The following CAPN13 variants were observed in gnomAD, a reference collection of about 807,000 sequenced individuals.
CAPN13 encodes the protein calpain 13.
Under a neutral mutation model 98.4 loss-of-function variants are expected in CAPN13, and 90 were observed. The observed-to-expected ratio is 0.92, with a 90% confidence interval of 0.77 to 1.09. The LOEUF (loss-of-function observed/expected upper bound fraction) is 1.09. CAPN13 is among the 50% of genes least tolerant of loss of function. The pLI is 0.00. For synonymous variants in CAPN13, 330 were observed against 305.5 expected (o/e 1.08, Z -0.84); for missense variants, 887 against 841.3 (o/e 1.05, Z -0.67).
intron 1 of CAPN13, among the ~76,000 whole-genome samples, chr2:30,800,149 A>AAAGAAAGAAAGT (rs1675163935): frequency 5.4e-5 from 8 of 148,908 alleles, no homozygotes; most frequent in African/African-American, 2.0e-4. Context: ...AGAAAGAAAG[A>AAAGAAAGAAAGT]AAGAAAGAAA....
intron 2 of CAPN13, 24 bp from the exon 3 acceptor site, chr2:30,777,663 T>G: frequency 6.5e-7 from 1 of 1,526,882 alleles, no homozygotes; most frequent in Non-Finnish European, 8.9e-7. Flanking sequence ...GGAGAAAAGC[T>G]ATGAACATCG....
chr2:30,804,082 T>C (rs1675459857), intron 1 of CAPN13, among the ~76,000 whole-genome samples: 1 of 152,176 alleles, frequency 6.6e-6, no homozygotes. Context: ...GCCCTGAGAA[T>C]TCAGGAATCA....
chr2:30,742,034 G>A (rs531887694), intron 14 of CAPN13, 70 bp from the exon 15 acceptor site: 2 of 1,386,908 alleles, frequency 1.4e-6, no homozygotes, highest in East Asian at 2.3e-5. Context: ...TACAGCAAGG[G>A]TGCAACAACC....
At chr2:30,806,188 A>G (rs1224923880) in intron 1 of CAPN13, 1 of 152,234 alleles carries the variant, frequency 6.6e-6, no homozygotes, top group Non-Finnish European at 1.5e-5. Flanking sequence ...TACCAGGCAC[A>G]GCAGAACTCC....
rs112337490 is a variant in CAPN13 at position 30,756,344 on chromosome 2, C to A, written c.866+1702G>T. 3.9e-5 allele frequency among the ~76,000 whole-genome samples: 6 copies of A among 152,234 alleles called. 1 individual carries two copies. The highest frequency in any genetic ancestry group is 1.4e-4 in the African/African-American group (6 of 41,524). On this transcript the variant is annotated intron_variant, in intron 8 of 22. Transcript: ENST00000295055. ...ATGCGTCCCCCTCCTATCTAGTGAT[C>A]TCTTCTGAAGTGAGTCATACTTCCT...
At chr2:30,775,845 G>A (rs922766257) in intron 4 of CAPN13, 85 bp downstream of exon 4, 37 of 865,536 alleles carry the variant, frequency 4.3e-5, no homozygotes, top group Middle Eastern at 2.4e-4. Flanking sequence ...CAGGCTTCCC[G>A]GCCACGAGAA....
At chr2:30,770,241 G>A (rs1673329581) in intron 5 of CAPN13, 72 bp downstream of exon 5, 12 of 1,572,382 alleles carry the variant, frequency 7.6e-6, no homozygotes, top group Non-Finnish European at 9.5e-6. Flanking sequence ...CTCCAACAGG[G>A]ACTGTTTGCA....
At position 30,736,560 on chromosome 2, in the gene CAPN13, A is replaced by G. The variant is rs372107624; in HGVS notation, c.1665T>C (p.Asn555=). Residue 555 remains asparagine (N), a synonymous_variant, in exon 18 of 23, where the codon AAT becomes AAC. Coordinates refer to ENST00000295055, the MANE Select transcript of CAPN13 (RefSeq NM_144575.3). ...CAAACTCCTCTTGGTCTAGCCGCCCATTCACTTTCAGCTGGGTAAGGAGTT... is the reference window on the plus strand; with the variant it reads ...CAAACTCCTCTTGGTCTAGCCGCCCGTTCACTTTCAGCTGGGTAAGGAGTT... ...SLVALMELKV[N]GRLDQEEFAR... 1.9e-4 allele frequency: 299 copies of G among 1,613,856 alleles called. 1 individual carries two copies. The highest frequency in any genetic ancestry group is 2.4e-4 in the Non-Finnish European group (289 of 1,179,894).
intron 1 of CAPN13, among the ~76,000 whole-genome samples, chr2:30,798,644 G>A (rs1203610175): frequency 3.9e-5 from 6 of 152,274 alleles, no homozygotes; most frequent in Non-Finnish European, 5.9e-5. Context: ...TGCTGCCTGC[G>A]GCCCTCTCCT....
chr2:30,794,971 C>T (rs1264955831), intron 1 of CAPN13, among the ~76,000 whole-genome samples: 1 of 151,908 alleles, frequency 6.6e-6, no homozygotes, highest in Non-Finnish European at 1.5e-5. Context: ...TGTGTATACA[C>T]ATCAAAACTC....
At chr2:30,785,899 T>TC (rs147556359) in intron 2 of CAPN13, among the ~76,000 whole-genome samples, 1 of 152,092 alleles carries the variant, frequency 6.6e-6, no homozygotes, top group African/African-American at 2.4e-5. Flanking sequence ...GTTGAGGACT[T>TC]ACTGCCAATG....
chr2:30,785,573 T>C (rs1260354333), intron 2 of CAPN13, among the ~76,000 whole-genome samples: 1 of 152,218 alleles, frequency 6.6e-6, no homozygotes, highest in Admixed American at 6.5e-5. Flanking sequence ...TTATTCTTTA[T>C]AAGTAATTTC....
chr2:30,805,879 C>T (rs1333518214), intron 1 of CAPN13, among the ~76,000 whole-genome samples: 1 of 151,902 alleles, frequency 6.6e-6, no homozygotes, highest in Non-Finnish European at 1.5e-5. Flanking sequence ...CTCCCCCTGC[C>T]TCCAATAGCT....
At chr2:30,782,083 C>A (rs1251892435) in intron 2 of CAPN13, among the ~76,000 whole-genome samples, 4 of 152,114 alleles carry the variant, frequency 2.6e-5, no homozygotes, top group Non-Finnish European at 4.4e-5. Context: ...TCTTGTAATG[C>A]AAGGGCTCCT....
chr2:30,780,319 C>A lies in CAPN13; in HGVS notation c.199-2680G>T, dbSNP rs7606876. Among the ~76,000 whole-genome samples the A allele has an allele frequency of 8.1e-3, 1,240 of 152,318 alleles. 14 individuals carry two copies. The highest frequency in any genetic ancestry group is 0.027 in the African/African-American group (1,125 of 41,554). Reference sequence around the variant, plus strand: ...AGCCAGCATAGCCTTGATGCCCAACCTGAGAGAAAACACACAGACATACCA... The same window carrying A: ...AGCCAGCATAGCCTTGATGCCCAACATGAGAGAAAACACACAGACATACCA... On this transcript the variant is annotated intron_variant, in intron 2 of 22. Coordinates refer to ENST00000295055, the MANE Select transcript of CAPN13 (RefSeq NM_144575.3).
At chr2:30,734,398 C>A in intron 19 of CAPN13, 51 bp downstream of exon 19, 1 of 1,449,982 alleles carries the variant, frequency 6.9e-7, no homozygotes, top group Admixed American at 1.7e-5. Context: ...GTGTGGGCAT[C>A]ACCCCCCTCC....
intron 9 of CAPN13, among the ~76,000 whole-genome samples, chr2:30,753,848 G>A (rs1456146358): frequency 6.6e-6 from 1 of 152,148 alleles, no homozygotes; most frequent in African/African-American, 2.4e-5. Context: ...CTAGTCCTGT[G>A]TGACTTCTGG....
At chr2:30,774,355 A>G (rs1414514858) in intron 4 of CAPN13, among the ~76,000 whole-genome samples, 2 of 152,136 alleles carry the variant, frequency 1.3e-5, no homozygotes, top group African/African-American at 4.8e-5. Flanking sequence ...ACTCATGAAA[A>G]TCAAAAGTTG....
At chr2:30,772,918 C>G (rs1673485232) in intron 4 of CAPN13, among the ~76,000 whole-genome samples, 1 of 152,058 alleles carries the variant, frequency 6.6e-6, no homozygotes, top group African/African-American at 2.4e-5. Flanking sequence ...CCTCTGACTC[C>G]CTGGTTCAAG....
Sources: allele counts gnomAD v4.1 joint callset (sites outside exome capture counted in the v4.1 genomes callset), GRCh38; gene constraint gnomAD v4.1.1; transcripts MANE v1.5; gene names NCBI Gene and HGNC (gene_info 2026-07-23, HGNC 2026-07-21).